The following BRIX1 variants were observed in gnomAD, a reference collection of about 807,000 sequenced individuals.
BRIX1 encodes the protein ribosome biogenesis protein BRX1 homolog.
A neutral mutation model predicts 44.0 loss-of-function variants in BRIX1; 15 were observed. That is an observed-to-expected ratio of 0.34 (90% CI 0.23 to 0.53). BRIX1 has a LOEUF of 0.53. BRIX1 is among the 20% of genes least tolerant of loss of function. BRIX1 has a pLI of 0.95. For synonymous variants in BRIX1, 149 were observed against 135.4 expected (o/e 1.10, Z -0.70); for missense variants, 420 against 432.8 (o/e 0.97, Z 0.26).
rs900011254 is a variant in BRIX1 at position 34,925,627 on chromosome 5, T to A, written c.*132T>A. On this transcript the variant is annotated 3_prime_UTR_variant, in exon 10 of 10. Coordinates refer to ENST00000336767, the MANE Select transcript of BRIX1 (RefSeq NM_018321.4). ...TTTACAAGAAAGAAAAATTAAGATC[T>A]TAAAATCAGTGATTATCTTTTTCTA... The A allele has an allele frequency of 1.5e-6, 1 of 684,028 alleles. No homozygotes were observed. Among genetic ancestry groups the A allele is most frequent in the African/African-American group, 1.8e-5 (1 of 54,552 alleles). The allele number at this position is 684,028 out of a possible 1,614,324, so 42.4% of individuals were successfully genotyped here.
chr5:34,917,542 A>G lies in BRIX1; in HGVS notation c.160-822A>G, dbSNP rs372607910. On this transcript the variant is annotated intron_variant, in intron 1 of 9. Coordinates refer to ENST00000336767, the MANE Select transcript of BRIX1 (RefSeq NM_018321.4). ...GTAATCCCAGCTACTCGGGAGTCTG[A>G]GGCAGGAGAATCGCTTGAACCCGGG... Among the ~76,000 whole-genome samples, 43 of 151,770 alleles carry G rather than the reference A, an allele frequency of 2.8e-4. 1 individual carries two copies. In the East Asian group the frequency reaches 6.8e-3, roughly 24 times the overall value.
chr5:34,924,716 C>T (rs1176015558), intron 8 of BRIX1, 131 bp from the exon 9 acceptor site: 1 of 561,214 alleles, frequency 1.8e-6, no homozygotes, highest in East Asian at 2.7e-5. Context: ...TGCCATTTAC[C>T]AAGTTTCACC....
intron 6 of BRIX1, 21 bp downstream of exon 6, chr5:34,922,789 A>T (rs1764268536): frequency 2.5e-6 from 4 of 1,601,262 alleles, no homozygotes; most frequent in Middle Eastern, 1.7e-4. Flanking sequence ...CATTCAGTGT[A>T]TGAGGTCTAA....
intron 7 of BRIX1, 23 bp from the exon 8 acceptor site, chr5:34,923,110 C>T: frequency 1.9e-6 from 3 of 1,594,794 alleles, no homozygotes; most frequent in African/African-American, 1.3e-5. Context: ...GAATAAGGAA[C>T]TAACATACAC....
intron 9 of BRIX1, 28 bp from the exon 10 acceptor site, chr5:34,925,198 G>A (rs752313509): frequency 1.4e-5 from 21 of 1,515,454 alleles, no homozygotes; most frequent in Admixed American, 6.9e-5. Flanking sequence ...TATTTCAAAA[G>A]CATCTAATCT....
chr5:34,918,631 A>G (rs1231305361), intron 2 of BRIX1, 156 bp downstream of exon 2: 2 of 476,984 alleles, frequency 4.2e-6, no homozygotes, highest in Non-Finnish European at 7.5e-6. Context: ...TCCAGTTAAC[A>G]TTTCGTAAGA....
chr5:34,918,372 GA>G lies in BRIX1; in HGVS notation c.173del (p.Asn58IlefsTer13). 1 of 1,471,606 alleles carries G rather than the reference GA, an allele frequency of 6.8e-7. No homozygotes were observed. The highest frequency in any genetic ancestry group is 9.4e-7 in the Non-Finnish European group (1 of 1,059,204). The allele number at this position is 1,471,606 out of a possible 1,614,324, so 91.2% of individuals were successfully genotyped here. ...ATTTTCTTTTTCTTTAGGGAAAGTG[GA>G]AAAATAAGGAACGGATTCTCATCTT... Reference protein sequence around the residue: ...IPGPVCKGKWKNKERILIFSS... With the variant: ...IPGPVCKGKWXNKERILIFSS... On this transcript the variant is annotated frameshift_variant, in exon 2 of 10. Transcript: ENST00000336767. LOFTEE classifies it high-confidence loss of function.
In BRIX1 at chr5:34,919,828, T is replaced by A; in HGVS notation, c.272-12T>A. The A allele has an allele frequency of 2.1e-6, 2 of 968,666 alleles. No homozygotes were observed. Among genetic ancestry groups the A allele is most frequent in the South Asian group, 3.6e-5 (2 of 55,520 alleles). The allele number at this position is 968,666 out of a possible 1,614,324, so 60.0% of individuals were successfully genotyped here. A position where few individuals can be genotyped will look rare whatever the true frequency, so the allele number is the denominator to read the frequency against. On this transcript the variant is annotated splice_polypyrimidine_tract_variant and intron_variant, in intron 2 of 9. Coordinates refer to ENST00000336767, the MANE Select transcript of BRIX1 (RefSeq NM_018321.4). ...TTAATTTACTTGCTTTTTCTTTTTTTTCTTTTTCTAGATACTAAAATGGAT... is the reference window on the plus strand; with the variant it reads ...TTAATTTACTTGCTTTTTCTTTTTTATCTTTTTCTAGATACTAAAATGGAT...
In BRIX1 at chr5:34,915,848, A is replaced by T. The variant is rs1202457951; in HGVS notation, c.110A>T (p.Glu37Val). Residue 37 changes from glutamate (E) to valine (V), a missense_variant, in exon 1 of 10, where the codon GAG (glutamate) becomes GTG (valine). By Grantham distance (121) the Glu-to-Val change is moderately radical. Transcript: ENST00000336767. The stretch of plus-strand genomic sequence containing the variant: ...CCAGCTAAGCGGCACGCCACAGCAG[A>T]GGAGGTGGAGGAAGAAGAGAGGGAC... The part of the protein sequence containing the change: ...EPPAKRHATA[E>V]EVEEEERDRI... 6.4e-7 allele frequency: 1 copy of T among 1,566,242 alleles called. No homozygotes were observed. Among genetic ancestry groups the T allele is most frequent in the Non-Finnish European group, 8.7e-7 (1 of 1,155,218 alleles).
intron 1 of BRIX1, among the ~76,000 whole-genome samples, chr5:34,917,532 C>G (rs534152889): frequency 6.6e-6 from 1 of 151,282 alleles, no homozygotes; most frequent in African/African-American, 2.4e-5. Flanking sequence ...CCCAGCTACT[C>G]GGGAGTCTGA....
At chr5:34,921,907 C>CAAAAAAAAAAAAA (rs57343458) in intron 3 of BRIX1, 1 of 35,304 alleles carries the variant, frequency 2.8e-5, no homozygotes. Context: ...AACTGCATCG[C>CAAAAAAAAAAAAA]AAAAAAAAAA....
intron 1 of BRIX1, among the ~76,000 whole-genome samples, chr5:34,917,826 A>G (rs1764150457): frequency 6.6e-6 from 1 of 152,120 alleles, no homozygotes; most frequent in African/African-American, 2.4e-5. Flanking sequence ...TGTCATGGAG[A>G]GCACAGAAAT....
Position 34,925,403 on chromosome 5 carries a change from G to C in BRIX1, c.970G>C (p.Glu324Gln), listed in dbSNP as rs115126369. The change falls in exon 10 of 10, where the codon GAG becomes CAG. Residue 324 changes from glutamate (E) to glutamine (Q), a missense_variant. Coordinates refer to ENST00000336767, the MANE Select transcript of BRIX1 (RefSeq NM_018321.4). ...KPIEIQWVKP[E>Q]PKVDLKARKK... is the part of the protein sequence containing the mutation. ...AATAGAAATACAGTGGGTAAAACCA[G>C]AGCCAAAAGTTGATTTGAAAGCAAG... The C allele has an allele frequency of 7.8e-4, 1,265 of 1,613,850 alleles. 2 individuals carry two copies. Among genetic ancestry groups the C allele is most frequent in the Non-Finnish European group, 9.7e-4 (1,140 of 1,179,946 alleles).
intron 2 of BRIX1, among the ~76,000 whole-genome samples, chr5:34,919,344 GTGCTTATGTTGAGA>G (rs898942296): frequency 2.7e-5 from 4 of 148,850 alleles, no homozygotes; most frequent in Non-Finnish European, 4.4e-5. Flanking sequence ...GGCTGTTGTT[GTGCTTATGTTGAGA>G]GGTGCTTTGG....
chr5:34,919,471 T>C (rs1375318365), intron 2 of BRIX1, among the ~76,000 whole-genome samples: 1 of 152,136 alleles, frequency 6.6e-6, no homozygotes, highest in African/African-American at 2.4e-5. Flanking sequence ...CAGTTTTCTT[T>C]GACACCTAAG....
At position 34,919,830 on chromosome 5, in the gene BRIX1, C is replaced by G; in HGVS notation, c.272-10C>G. Reference sequence around the variant, plus strand: ...AATTTACTTGCTTTTTCTTTTTTTTCTTTTTCTAGATACTAAAATGGATCG... The same window carrying G: ...AATTTACTTGCTTTTTCTTTTTTTTGTTTTTCTAGATACTAAAATGGATCG... On this transcript the variant is annotated splice_polypyrimidine_tract_variant and intron_variant, in intron 2 of 9. Transcript: ENST00000336767. The G allele has an allele frequency of 1.0e-6, 1 of 970,056 alleles. No individual in the cohort carries two copies. Among genetic ancestry groups the G allele is most frequent in the Non-Finnish European group, 1.5e-6 (1 of 670,720 alleles). 60.1% of individuals were successfully genotyped at this position (970,056 alleles called of 1,614,324 possible).
In BRIX1 at chr5:34,922,211, C is replaced by T. The variant is rs772119759; in HGVS notation, c.316-6C>T. On this transcript the variant is annotated splice_polypyrimidine_tract_variant and splice_region_variant and intron_variant, in intron 3 of 9. Transcript: ENST00000336767. ...ACTTCATTTTCCTATACTTTGCTTC[C>T]TTTAGGTTTGTGAAATGAAGAACTG... is the stretch of plus-strand genomic sequence containing the variant. The T allele has an allele frequency of 6.5e-7, 1 of 1,541,586 alleles. No homozygotes were observed. The highest frequency in any genetic ancestry group is 1.8e-5 in the Admixed American group (1 of 55,842).
rs1217625821 is a variant in BRIX1, at chr5:34,922,357, T to C, written c.386+70T>C. 17 of 1,040,044 alleles carry C rather than the reference T, an allele frequency of 1.6e-5. No homozygotes were observed. In the East Asian group the frequency reaches 2.6e-4, roughly 16 times the overall value. 64.4% of individuals were successfully genotyped at this position (1,040,044 alleles called of 1,614,324 possible). ...TTTGTTCTTTGTACCTTTTATGTTA[T>C]AGACTCCTAGTGTTTCATGTTAAGG... On this transcript the variant is annotated intron_variant, in intron 4 of 9. Coordinates refer to ENST00000336767, the MANE Select transcript of BRIX1 (RefSeq NM_018321.4).
At chr5:34,916,686 T>G (rs1449742451) in intron 1 of BRIX1, 1 of 152,180 alleles carries the variant, frequency 6.6e-6, no homozygotes, top group African/African-American at 2.4e-5. Flanking sequence ...GACATTAATT[T>G]TTGCGTCCTC....
Sources: gnomAD v4.1 joint callset for allele counts (sites outside exome capture counted in the v4.1 genomes callset) on GRCh38, gnomAD v4.1.1 for gene constraint, MANE v1.5 for transcripts, NCBI Gene and HGNC (gene_info 2026-07-23, HGNC 2026-07-21) for gene names.